ST13: variants seen among roughly 807,000 people sequenced by gnomAD.
ST13 encodes hsc70-interacting protein.
Under a neutral mutation model 56.7 loss-of-function variants are expected in ST13, and 23 were observed. The observed-to-expected ratio is 0.41, with a 90% CI of 0.29 to 0.57. ST13 has a LOEUF of 0.57. Ranked by LOEUF, ST13 falls within the 20% of genes least tolerant of loss-of-function variation. The probability of loss-of-function intolerance (pLI) is 0.36; values close to 1 mark genes in which losing one functional copy is unlikely to be tolerated. For missense variants in ST13, 369 were observed against 459.9 expected (o/e 0.80, Z 1.81); for synonymous variants, 132 against 142.4 (o/e 0.93, Z 0.52).
chr22:40,847,988 A>G (rs994264568), intron 3 of ST13, among the ~76,000 whole-genome samples: 14 of 152,254 alleles, frequency 9.2e-5, no homozygotes, highest in African/African-American at 3.4e-4. Flanking sequence ...TGGAGGTTGC[A>G]GTGAGCCGAG....
intron 10 of ST13, among the ~76,000 whole-genome samples, chr22:40,828,397 G>A (rs905962402): frequency 1.2e-4 from 18 of 150,964 alleles, no homozygotes; most frequent in African/African-American, 4.4e-4. Context: ...GAGGTCAGGA[G>A]ATCGAGACCA....
At chr22:40,847,881 T>C (rs1477710183) in intron 3 of ST13, among the ~76,000 whole-genome samples, 1 of 151,988 alleles carries the variant, frequency 6.6e-6, no homozygotes, top group Admixed American at 6.6e-5. Context: ...AGCCCGTCTT[T>C]ACTAAAATTA....
intron 8 of ST13, 83 bp downstream of exon 8, chr22:40,832,486 G>C: frequency 1.0e-6 from 1 of 1,000,922 alleles, no homozygotes; most frequent in Non-Finnish European, 1.5e-6. Context: ...CTGTTTTTCA[G>C]ATGAATTACA....
chr22:40,846,862 G>A (rs1175844469), intron 3 of ST13, among the ~76,000 whole-genome samples: 12 of 152,046 alleles, frequency 7.9e-5, no homozygotes, highest in Admixed American at 7.9e-4. Context: ...AGGCATGGTG[G>A]CATACGCCTG....
chr22:40,838,565 G>A (rs529016100), intron 5 of ST13, among the ~76,000 whole-genome samples: 4 of 150,844 alleles, frequency 2.7e-5, no homozygotes, highest in South Asian at 2.1e-4. Context: ...AGTTCAAGAC[G>A]AGCCTGGGCA....
chr22:40,829,136 G>T (rs1244971681), intron 10 of ST13, among the ~76,000 whole-genome samples: 1 of 152,144 alleles, frequency 6.6e-6, no homozygotes, highest in South Asian at 2.1e-4. Flanking sequence ...AGATTTTCTA[G>T]CATCGGATCA....
At chr22:40,834,919 C>T (rs372943735) in intron 7 of ST13, among the ~76,000 whole-genome samples, 3 of 152,188 alleles carry the variant, frequency 2.0e-5, no homozygotes, top group Non-Finnish European at 2.9e-5. Flanking sequence ...AAAAACATAT[C>T]CATCTTTATC....
At chr22:40,846,902 G>A (rs555863165) in intron 3 of ST13, among the ~76,000 whole-genome samples, 6 of 151,896 alleles carry the variant, frequency 4.0e-5, no homozygotes, top group Non-Finnish European at 8.8e-5. Flanking sequence ...GGCTGAGGCA[G>A]GAGACTCGCT....
chr22:40,835,440 T>C, intron 7 of ST13, 120 bp downstream of exon 7: 1 of 803,100 alleles, frequency 1.2e-6, no homozygotes, highest in Non-Finnish European at 2.1e-6. Flanking sequence ...TGATACTAAG[T>C]ACACACTAAT....
intron 1 of ST13, among the ~76,000 whole-genome samples, chr22:40,852,629 TGATAG>T (rs1297109784): frequency 2.0e-5 from 3 of 152,194 alleles, no homozygotes; most frequent in Admixed American, 6.5e-5. Flanking sequence ...ATGTTTAATA[TGATAG>T]AAGAAAATGT....
rs868308228 is a variant in ST13 at position 40,846,768 on chromosome 22, A to G, written c.244+1526T>C. On this transcript the variant is annotated intron_variant, in intron 3 of 11. Transcript: ENST00000216218. ...AGAACTCTGGGAGGCCAAGACGGGC[A>G]GATCACCCGAGGTCAGGAGTTTGAG... Among the ~76,000 whole-genome samples the G allele has an allele frequency of 2.6e-5, 4 of 152,234 alleles. No homozygotes were observed. The South Asian group carries it at 6.2e-4, about 24-fold the overall frequency.
intron 9 of ST13, among the ~76,000 whole-genome samples, chr22:40,829,880 A>G (rs2057746168): frequency 6.6e-6 from 1 of 152,180 alleles, no homozygotes; most frequent in Non-Finnish European, 1.5e-5. Context: ...ATTTCAAGTA[A>G]AGTGTTTTAC....
chr22:40,852,158 G>T (rs1242903995), intron 1 of ST13, among the ~76,000 whole-genome samples: 1 of 152,206 alleles, frequency 6.6e-6, no homozygotes, highest in Non-Finnish European at 1.5e-5. Flanking sequence ...GTTTTCTGAA[G>T]TTCTTTTATC....
At chr22:40,828,521 G>A (rs2057739450) in intron 10 of ST13, among the ~76,000 whole-genome samples, 3 of 151,898 alleles carry the variant, frequency 2.0e-5, no homozygotes, top group African/African-American at 4.8e-5. Context: ...GCTGAGGCAG[G>A]AGAATGGCGT....
At chr22:40,851,305 A>C (rs940355969) in intron 1 of ST13, among the ~76,000 whole-genome samples, 1 of 152,244 alleles carries the variant, frequency 6.6e-6, no homozygotes, top group Non-Finnish European at 1.5e-5. Context: ...TTATGAAGTA[A>C]CTATACCGTC....
intron 9 of ST13, 131 bp from the exon 10 acceptor site, chr22:40,829,805 A>C: frequency 2.4e-6 from 1 of 422,930 alleles, no homozygotes; most frequent in Non-Finnish European, 4.2e-6. Context: ...TGAAGGATAT[A>C]CTTCATACCC....
intron 11 of ST13, 91 bp from the exon 12 acceptor site, chr22:40,826,757 A>C: frequency 6.8e-7 from 1 of 1,460,372 alleles, no homozygotes; most frequent in Non-Finnish European, 9.3e-7. Flanking sequence ...TTAGACCTGT[A>C]ATTTGGTGAT....
chr22:40,848,316 T>C lies in ST13; in HGVS notation c.222A>G (p.Pro74=). ...CACCTAGATCACTTTCCTCACTTGA[T>C]GGTTCGTCTGCCTTTAAGTCTTCCT... ...KVEEDLKADE[P]SSEESDLEID... is the part of the protein sequence containing the mutation. Residue 74 remains proline, a synonymous_variant, in exon 3 of 12, where the codon CCA becomes CCG. Transcript: ENST00000216218. 2 of 1,613,632 alleles carry C rather than the reference T, an allele frequency of 1.2e-6. No homozygotes were observed. The highest frequency in any genetic ancestry group is 2.2e-5 in the East Asian group (1 of 44,878).
At chr22:40,830,336 G>C (rs140657631) in intron 9 of ST13, among the ~76,000 whole-genome samples, 86 of 152,204 alleles carry the variant, frequency 5.7e-4, no homozygotes, top group African/African-American at 2.0e-3. Flanking sequence ...GAAATAAGTA[G>C]GTGAATTATT....
Sources: gnomAD v4.1 joint callset for allele counts (sites outside exome capture counted in the v4.1 genomes callset) on GRCh38, gnomAD v4.1.1 for gene constraint, MANE v1.5 for transcripts, NCBI Gene and HGNC (gene_info 2026-07-23, HGNC 2026-07-21) for gene names.